The following NCOA2 variants were observed in gnomAD, a reference collection of about 807,000 sequenced individuals.
NCOA2 encodes class E basic helix-loop-helix protein 75.
Under a neutral mutation model 145.1 loss-of-function variants are expected in NCOA2, and 21 were observed. The observed-to-expected ratio is 0.14, with a 90% CI of 0.10 to 0.21. The LOEUF (loss-of-function observed/expected upper bound fraction) is 0.21. Ranked by LOEUF, NCOA2 falls within the 10% of genes least tolerant of loss-of-function variation. The pLI, the probability that NCOA2 is intolerant of heterozygous loss-of-function variation, is 1.00. For synonymous variants in NCOA2, 619 were observed against 637.5 expected (o/e 0.97, Z 0.44); for missense variants, 1,472 against 1,837.6 (o/e 0.80, Z 3.64).
At chr8:70,277,608 T>TA (rs1181510973) in intron 2 of NCOA2, among the ~76,000 whole-genome samples, 12 of 151,676 alleles carry the variant, frequency 7.9e-5, no homozygotes, top group Non-Finnish European at 1.3e-4. Flanking sequence ...GACAGTTGAG[T>TA]AAAAAAAAAT....
rs371258460 is a variant in NCOA2 at position 70,160,682 on chromosome 8, G to GAGAGAGAGAGAGA, written c.977-1031_977-1030insTCTCTCTCTCTCT. Among the ~76,000 whole-genome samples the GAGAGAGAGAGAGA allele has an allele frequency of 6.1e-3, 352 of 58,102 alleles. 5 individuals are homozygous for GAGAGAGAGAGAGA. The highest frequency in any genetic ancestry group is 9.9e-3 in the African/African-American group (237 of 23,922). 38.1% of individuals were successfully genotyped at this position (58,102 alleles called of 152,430 possible). A position where few individuals can be genotyped will look rare whatever the true frequency, so the allele number is the denominator to read the frequency against. ...GACAGAGAGAGAGAGAGAGAGAGAG[G>GAGAGAGAGAGAGA]GAGAGAGAGAGAGAGAGAGACTGAC... On this transcript the variant is annotated intron_variant, in intron 9 of 22. Transcript: ENST00000452400.
intron 2 of NCOA2, among the ~76,000 whole-genome samples, chr8:70,282,297 A>G (rs1173933573): frequency 6.6e-6 from 1 of 152,214 alleles, no homozygotes; most frequent in Non-Finnish European, 1.5e-5. Flanking sequence ...TATATCAAGG[A>G]CTACAAAAAC....
chr8:70,455,502 T>C, the NCOA2 span, among the ~76,000 whole-genome samples: 2 of 151,730 alleles, frequency 1.3e-5, no homozygotes, highest in Non-Finnish European at 2.9e-5. Context: ...GGGAAGAACC[T>C]TAAAATAAAC....
chr8:70,317,625 C>T (rs1472483651), intron 1 of NCOA2, among the ~76,000 whole-genome samples: 1 of 152,264 alleles, frequency 6.6e-6, no homozygotes, highest in South Asian at 2.1e-4. Flanking sequence ...GGCAAAATCA[C>T]AACAAAGATA....
At chr8:70,363,989 C>T (rs761443730) in intron 1 of NCOA2, among the ~76,000 whole-genome samples, 1 of 148,318 alleles carries the variant, frequency 6.7e-6, no homozygotes, top group Non-Finnish European at 1.5e-5. Context: ...ATGCTATATG[C>T]AGTACAGGTG....
intron 1 of NCOA2, among the ~76,000 whole-genome samples, chr8:70,366,439 G>A (rs1035325990): frequency 1.3e-5 from 2 of 151,762 alleles, no homozygotes; most frequent in Non-Finnish European, 2.9e-5. Context: ...ATGTGAACTG[G>A]CTTTAATATG....
chr8:70,388,665 G>GAATA (rs946794336), intron 1 of NCOA2, among the ~76,000 whole-genome samples: 2 of 151,250 alleles, frequency 1.3e-5, no homozygotes, highest in African/African-American at 4.9e-5. Context: ...AATTTTTGCT[G>GAATA]AATAAACAAA....
intron 1 of NCOA2, among the ~76,000 whole-genome samples, chr8:70,361,157 T>C (rs961178651): frequency 6.6e-6 from 1 of 152,176 alleles, no homozygotes; most frequent in Non-Finnish European, 1.5e-5. Context: ...TTTATAATAC[T>C]AGCTTCTTCA....
chr8:70,320,018 G>A (rs929890579), intron 1 of NCOA2, among the ~76,000 whole-genome samples: 1 of 152,114 alleles, frequency 6.6e-6, no homozygotes, highest in African/African-American at 2.4e-5. Flanking sequence ...TAACTATTAA[G>A]AATGAATAAA....
intron 1 of NCOA2, among the ~76,000 whole-genome samples, chr8:70,309,441 C>T (rs1018010590): frequency 9.4e-5 from 14 of 149,038 alleles, no homozygotes; most frequent in Admixed American, 2.7e-4. Flanking sequence ...AAAAGGATTA[C>T]GATGCTTAAG....
At chr8:70,242,518 C>T (rs186386496) in intron 2 of NCOA2, among the ~76,000 whole-genome samples, 1 of 152,166 alleles carries the variant, frequency 6.6e-6, no homozygotes, top group Admixed American at 6.6e-5. Flanking sequence ...GACCAAAGCA[C>T]CTGTGAGAGA....
At chr8:70,300,418 C>T (rs1827399381) in intron 1 of NCOA2, among the ~76,000 whole-genome samples, 1 of 152,106 alleles carries the variant, frequency 6.6e-6, no homozygotes, top group Admixed American at 6.6e-5. Flanking sequence ...CTACAGTTTC[C>T]GCGTGAGTAG....
At chr8:70,150,344 C>G (rs1317722842) in intron 11 of NCOA2, among the ~76,000 whole-genome samples, 1 of 152,224 alleles carries the variant, frequency 6.6e-6, no homozygotes, top group Non-Finnish European at 1.5e-5. Context: ...ACCGCACTGA[C>G]TATCTCCTCC....
At chr8:70,268,002 C>T (rs1039255601) in intron 2 of NCOA2, among the ~76,000 whole-genome samples, 30 of 152,204 alleles carry the variant, frequency 2.0e-4, no homozygotes, top group Non-Finnish European at 4.1e-4. Context: ...TATTGATCAA[C>T]TAGCTAGCCT....
At chr8:70,146,820 C>T (rs1474892410) in intron 12 of NCOA2, among the ~76,000 whole-genome samples, 1 of 152,004 alleles carries the variant, frequency 6.6e-6, no homozygotes, top group East Asian at 1.9e-4. Flanking sequence ...CTCAGCCTCC[C>T]GAGTAGCTGG....
chr8:70,213,704 A>C lies in NCOA2; in HGVS notation c.259+199T>G, dbSNP rs184814381. Among the ~76,000 whole-genome samples the C allele has an allele frequency of 8.4e-4, 128 of 152,304 alleles. 1 individual carries two copies. The highest frequency in any genetic ancestry group is 3.0e-3 in the African/African-American group (124 of 41,544). On this transcript the variant is annotated intron_variant, in intron 4 of 22. Transcript: ENST00000452400. Reference sequence around the variant, plus strand: ...ACTCACCTCAGTCTTCTCTGTCTTTAGGGTATGGCTGAATTTTATACAAAG... The same window carrying C: ...ACTCACCTCAGTCTTCTCTGTCTTTCGGGTATGGCTGAATTTTATACAAAG...
chr8:70,265,213 G>A (rs1380977855), intron 2 of NCOA2, among the ~76,000 whole-genome samples: 1 of 152,166 alleles, frequency 6.6e-6, no homozygotes, highest in Non-Finnish European at 1.5e-5. Context: ...TAGTGTCCAT[G>A]TAAGAGACCA....
At chr8:70,248,011 G>A (rs1196438671) in intron 2 of NCOA2, among the ~76,000 whole-genome samples, 1 of 152,214 alleles carries the variant, frequency 6.6e-6, no homozygotes, top group African/African-American at 2.4e-5. Context: ...AGCAACAGCA[G>A]ATTTTATCAT....
At chr8:70,270,128 G>A (rs575431361) in intron 2 of NCOA2, among the ~76,000 whole-genome samples, 1 of 151,940 alleles carries the variant, frequency 6.6e-6, no homozygotes, top group East Asian at 1.9e-4. Context: ...GCTGCAGTGA[G>A]CAGTGATCTC....
Sources: gnomAD v4.1 joint callset for allele counts (sites outside exome capture counted in the v4.1 genomes callset) on GRCh38, gnomAD v4.1.1 for gene constraint, MANE v1.5 for transcripts, NCBI Gene and HGNC (gene_info 2026-07-23, HGNC 2026-07-21) for gene names.